The following YIPF1 variants were observed in gnomAD, a reference collection of about 807,000 sequenced individuals.
The protein encoded by YIPF1 is protein YIPF1.
Under a neutral mutation model 37.0 loss-of-function variants are expected in YIPF1, and 22 were observed. That is an observed-to-expected ratio of 0.59 (90% CI 0.42 to 0.85). YIPF1 has a LOEUF of 0.85. Among genes scored for constraint, YIPF1 ranks in the 40% least tolerant of loss-of-function variants. YIPF1 has a pLI of 0.00. For missense variants in YIPF1, 355 were observed against 373.1 expected (o/e 0.95, Z 0.40); for synonymous variants, 128 against 131.9 (o/e 0.97, Z 0.21).
Position 53,866,784 on chromosome 1 carries a change from A to G in YIPF1, c.622T>C (p.Ser208Pro). ...FLEIVCVYGYSLFIYIPTAIL... is the reference protein window; with the variant it reads ...FLEIVCVYGYPLFIYIPTAIL... ...GCGGTGGGGATATAAATGAAGAGGG[A>G]ATATCCATAGACACACACAATCTCC... The change falls in exon 8 of 11, where the codon TCC becomes CCC. Residue 208 changes from serine to proline, a missense_variant. Transcript: ENST00000072644. The G allele has an allele frequency of 6.2e-7, 1 of 1,614,022 alleles. No individual in the cohort carries two copies. The highest frequency in any genetic ancestry group is 1.3e-5 in the African/African-American group (1 of 75,034).
intron 9 of YIPF1, among the ~76,000 whole-genome samples, chr1:53,864,875 T>C (rs1280641265): frequency 6.6e-6 from 1 of 152,200 alleles, no homozygotes; most frequent in Non-Finnish European, 1.5e-5. Context: ...TTTATAGATA[T>C]CATTTTATTT....
At chr1:53,859,864 T>G (rs939427669) in intron 10 of YIPF1, among the ~76,000 whole-genome samples, 192 bp downstream of exon 10, 4 of 152,130 alleles carry the variant, frequency 2.6e-5, no homozygotes, top group African/African-American at 9.7e-5. Flanking sequence ...CAGTATCATG[T>G]GGATTTCAAA....
intron 10 of YIPF1, among the ~76,000 whole-genome samples, chr1:53,853,244 ATAT>A (rs1052511590): frequency 3.9e-5 from 6 of 152,212 alleles, no homozygotes; most frequent in African/African-American, 1.4e-4. Context: ...AATACAGAAA[ATAT>A]TATTTATTTA....
At chr1:53,868,723 G>A (rs998419306) in intron 7 of YIPF1, among the ~76,000 whole-genome samples, 3 of 152,134 alleles carry the variant, frequency 2.0e-5, no homozygotes, top group African/African-American at 2.4e-5. Context: ...ACGGAAAAAT[G>A]TTTATTGATA....
At chr1:53,870,443 T>G (rs888058164) in intron 7 of YIPF1, among the ~76,000 whole-genome samples, 7 of 152,012 alleles carry the variant, frequency 4.6e-5, no homozygotes, top group African/African-American at 1.2e-4. Flanking sequence ...CCCAAAGTGC[T>G]GGGATGACAG....
intron 9 of YIPF1, among the ~76,000 whole-genome samples, chr1:53,861,808 G>C (rs1649890678): frequency 6.6e-6 from 1 of 152,098 alleles, no homozygotes; most frequent in South Asian, 2.1e-4. Context: ...GAGGCCAGGA[G>C]TTCAAGACCA....
chr1:53,853,062 A>G (rs1649635365), intron 10 of YIPF1, among the ~76,000 whole-genome samples: 1 of 152,136 alleles, frequency 6.6e-6, no homozygotes, highest in South Asian at 2.1e-4. Context: ...GGGGGAATCT[A>G]CAATCTACCT....
Position 53,866,149 on chromosome 1 carries a change from T to C in YIPF1, c.831+51A>G, listed in dbSNP as rs770605405. ...GTTGTGTCTAACAGTTTGAGGTCTT[T>C]TAGCATTTGGATATAAAACACACCA... On this transcript the variant is annotated intron_variant, in intron 9 of 10. Coordinates refer to ENST00000072644, the MANE Select transcript of YIPF1 (RefSeq NM_018982.5). The C allele has an allele frequency of 3.8e-6, 6 of 1,583,954 alleles. No homozygotes were observed. In the Admixed American group the frequency reaches 1.1e-4, roughly 28 times the overall value.
chr1:53,864,102 C>T (rs1256013820), intron 9 of YIPF1, among the ~76,000 whole-genome samples: 3 of 152,158 alleles, frequency 2.0e-5, no homozygotes, highest in Non-Finnish European at 4.4e-5. Flanking sequence ...ACCTGCCCTG[C>T]TCCTATTCCT....
chr1:53,856,595 G>A (rs1166110536), intron 10 of YIPF1, among the ~76,000 whole-genome samples: 1 of 152,136 alleles, frequency 6.6e-6, no homozygotes, highest in African/African-American at 2.4e-5. Context: ...ACAGCTAACT[G>A]ACTGTGCTCA....
At chr1:53,853,297 A>C (rs1029349018) in intron 10 of YIPF1, among the ~76,000 whole-genome samples, 1 of 152,224 alleles carries the variant, frequency 6.6e-6, no homozygotes, top group African/African-American at 2.4e-5. Flanking sequence ...GTAATAAAGA[A>C]TCTAACCTAC....
chr1:53,883,836 G>A (rs948773099), intron 3 of YIPF1, among the ~76,000 whole-genome samples: 3 of 152,024 alleles, frequency 2.0e-5, no homozygotes, highest in Non-Finnish European at 4.4e-5. Context: ...TCAGGAGTTC[G>A]ACCAGCCTGG....
At chr1:53,855,124 G>T (rs1308938324) in intron 10 of YIPF1, 1 of 151,018 alleles carries the variant, frequency 6.6e-6, no homozygotes, top group Non-Finnish European at 1.5e-5. Flanking sequence ...GTGAGCGAGT[G>T]ACAGGATAAC....
At chr1:53,859,199 G>A (rs1361447076) in intron 10 of YIPF1, among the ~76,000 whole-genome samples, 1 of 152,176 alleles carries the variant, frequency 6.6e-6, no homozygotes, top group Non-Finnish European at 1.5e-5. Context: ...TTGTCGAGCT[G>A]AGCCTAACTG....
At chr1:53,862,763 G>A (rs541891746) in intron 9 of YIPF1, among the ~76,000 whole-genome samples, 10 of 152,150 alleles carry the variant, frequency 6.6e-5, no homozygotes, top group South Asian at 2.1e-4. Flanking sequence ...TACATGACTC[G>A]TCATATTTTC....
intron 6 of YIPF1, among the ~76,000 whole-genome samples, chr1:53,876,691 T>G (rs1650345094): frequency 6.6e-6 from 1 of 152,232 alleles, no homozygotes; most frequent in Non-Finnish European, 1.5e-5. Flanking sequence ...GGCAAGTTAC[T>G]GGACCTCTGT....
At chr1:53,885,055 T>C (rs1366936280) in intron 3 of YIPF1, among the ~76,000 whole-genome samples, 2 of 152,232 alleles carry the variant, frequency 1.3e-5, no homozygotes, top group East Asian at 3.8e-4. Context: ...TGGAGTGAGA[T>C]GGTCCTTTGT....
intron 10 of YIPF1, among the ~76,000 whole-genome samples, chr1:53,857,721 C>A (rs1296175408): frequency 6.6e-6 from 1 of 152,124 alleles, no homozygotes; most frequent in East Asian, 1.9e-4. Context: ...ATGGCTCACA[C>A]CTATAATCCC....
intron 6 of YIPF1, among the ~76,000 whole-genome samples, chr1:53,876,014 T>C (rs1353194192): frequency 1.3e-5 from 2 of 152,252 alleles, no homozygotes; most frequent in African/African-American, 4.8e-5. Flanking sequence ...TTCACTGCTG[T>C]ATCTCCAGTA....
Sources: allele counts gnomAD v4.1 joint callset (sites outside exome capture counted in the v4.1 genomes callset), GRCh38; gene constraint gnomAD v4.1.1; transcripts MANE v1.5; gene names NCBI Gene and HGNC (gene_info 2026-07-23, HGNC 2026-07-21).